SHB: variants seen among roughly 807,000 people sequenced by gnomAD.
SHB encodes SH2 domain containing adaptor protein B.
SHB carries 20 observed loss-of-function variants against 52.3 expected under a neutral mutation model. That is an observed-to-expected ratio of 0.38 (90% CI 0.27 to 0.56). The LOEUF (loss-of-function observed/expected upper bound fraction) is 0.56. Ranked by LOEUF, SHB falls within the 20% of genes least tolerant of loss-of-function variation. The probability of loss-of-function intolerance (pLI) is 0.71; values close to 1 mark genes in which losing one functional copy is unlikely to be tolerated. For missense variants in SHB, 825 were observed against 723.3 expected, an observed-to-expected ratio of 1.14 and a Z score of -1.61; for synonymous variants, 397 against 316.5, an observed-to-expected ratio of 1.25 and a Z score of -2.70.
intron 2 of SHB, among the ~76,000 whole-genome samples, chr9:38,014,978 C>T (rs543712709): frequency 1.8e-4 from 28 of 152,310 alleles, no homozygotes; most frequent in Middle Eastern, 6.8e-3. Context: ...AAAAACCAAA[C>T]AAAAACCAGA....
intron 2 of SHB, among the ~76,000 whole-genome samples, chr9:37,997,982 G>T (rs1468554307): frequency 6.6e-6 from 1 of 152,232 alleles, no homozygotes; most frequent in Non-Finnish European, 1.5e-5. Context: ...CCTGGCTTGT[G>T]GTACCCACTG....
At chr9:37,950,331 T>A (rs1326982043) in intron 4 of SHB, among the ~76,000 whole-genome samples, 10 of 151,972 alleles carry the variant, frequency 6.6e-5, no homozygotes, top group Admixed American at 3.3e-4. Flanking sequence ...AGTGGTGTGA[T>A]CACGGCTCAC....
intron 1 of SHB, among the ~76,000 whole-genome samples, chr9:38,033,593 C>A (rs1821444925): frequency 6.6e-6 from 1 of 152,226 alleles, no homozygotes; most frequent in Admixed American, 6.5e-5. Flanking sequence ...AGAGGGTCCA[C>A]CTGAGTGGTC....
At chr9:37,969,480 T>C (rs996005082) in intron 3 of SHB, among the ~76,000 whole-genome samples, 1 of 152,148 alleles carries the variant, frequency 6.6e-6, no homozygotes, top group African/African-American at 2.4e-5. Context: ...GTGATACCCA[T>C]CAAATCTCAC....
At chr9:37,984,308 C>T (rs1820776680) in intron 2 of SHB, among the ~76,000 whole-genome samples, 1 of 152,192 alleles carries the variant, frequency 6.6e-6, no homozygotes, top group African/African-American at 2.4e-5. Flanking sequence ...CCAATACCAA[C>T]CTTTGAGCCT....
At chr9:38,058,303 T>C (rs1164385267) in intron 1 of SHB, among the ~76,000 whole-genome samples, 2 of 152,224 alleles carry the variant, frequency 1.3e-5, no homozygotes, top group South Asian at 2.1e-4. Context: ...AGGCACCTCC[T>C]GACCCCAGAG....
At chr9:37,923,539 A>C (rs1832208949) in intron 5 of SHB, among the ~76,000 whole-genome samples, 1 of 152,200 alleles carries the variant, frequency 6.6e-6, no homozygotes, top group African/African-American at 2.4e-5. Flanking sequence ...GCCAGGAGAC[A>C]TGCTGTGACA....
chr9:37,981,737 C>A (rs777430067), intron 2 of SHB, among the ~76,000 whole-genome samples: 2 of 152,084 alleles, frequency 1.3e-5, no homozygotes, highest in Non-Finnish European at 2.9e-5. Flanking sequence ...CATGTAGAGG[C>A]CATTGTTGAA....
In SHB at chr9:38,008,620, T is replaced by C. The variant is rs182331743; in HGVS notation, c.838+7391A>G. Among the ~76,000 whole-genome samples, 592 of 152,334 alleles carry C rather than the reference T, an allele frequency of 3.9e-3. 3 individuals carry two copies. The highest frequency in any genetic ancestry group is 0.014 in the African/African-American group (570 of 41,578). ...AGACTTGCCCTGTGGCTTGCTGCTGTGTAAACTTGGCTAGTGCACAACCCT... is the reference window on the plus strand; with the variant it reads ...AGACTTGCCCTGTGGCTTGCTGCTGCGTAAACTTGGCTAGTGCACAACCCT... On this transcript the variant is annotated intron_variant, in intron 2 of 5. Coordinates refer to ENST00000377707, the MANE Select transcript of SHB (RefSeq NM_003028.3).
At chr9:37,931,175 G>C (rs1035462246) in intron 5 of SHB, among the ~76,000 whole-genome samples, 1 of 152,068 alleles carries the variant, frequency 6.6e-6, no homozygotes, top group African/African-American at 2.4e-5. Flanking sequence ...ACAGCCCAGG[G>C]GAAAAGCTCC....
chr9:38,042,956 C>G (rs1821601351), intron 1 of SHB, among the ~76,000 whole-genome samples: 1 of 152,176 alleles, frequency 6.6e-6, no homozygotes, highest in African/African-American at 2.4e-5. Flanking sequence ...GTCTGCCAGA[C>G]CGCCCACAAC....
intron 5 of SHB, among the ~76,000 whole-genome samples, chr9:37,946,762 C>A (rs886168069): frequency 6.6e-6 from 1 of 152,172 alleles, no homozygotes; most frequent in African/African-American, 2.4e-5. Context: ...AGGCCCCCAG[C>A]CACGGGGATT....
intron 1 of SHB, among the ~76,000 whole-genome samples, chr9:38,065,042 G>A (rs982130712): frequency 3.3e-5 from 5 of 152,182 alleles, no homozygotes; most frequent in African/African-American, 1.2e-4. Context: ...TTGAGGCTGG[G>A]AGGTTGAGGC....
At chr9:37,960,476 G>C (rs565466729) in intron 3 of SHB, among the ~76,000 whole-genome samples, 1 of 152,352 alleles carries the variant, frequency 6.6e-6, no homozygotes, top group East Asian at 1.9e-4. Context: ...AAGGAGGAAA[G>C]TAAGACTCAG....
At chr9:38,064,061 C>A (rs1406971305) in intron 1 of SHB, among the ~76,000 whole-genome samples, 1 of 151,790 alleles carries the variant, frequency 6.6e-6, no homozygotes, top group Non-Finnish European at 1.5e-5. Context: ...CAAAAGGAGA[C>A]CTACCAAAGT....
intron 5 of SHB, among the ~76,000 whole-genome samples, chr9:37,926,556 C>T (rs1049231970): frequency 1.3e-5 from 2 of 152,124 alleles, no homozygotes; most frequent in African/African-American, 4.8e-5. Flanking sequence ...GCCACTGAGG[C>T]GAGAAGTGAG....
chr9:38,063,484 C>T (rs1439258795), intron 1 of SHB, among the ~76,000 whole-genome samples: 2 of 152,360 alleles, frequency 1.3e-5, no homozygotes, highest in East Asian at 3.9e-4. Flanking sequence ...GCATGAAAAG[C>T]CCTCTTCCCC....
intron 1 of SHB, among the ~76,000 whole-genome samples, chr9:38,020,344 T>G (rs1037092760): frequency 2.6e-5 from 4 of 152,232 alleles, no homozygotes; most frequent in Non-Finnish European, 4.4e-5. Flanking sequence ...ATAATCTGTA[T>G]TTTAACAAGC....
At chr9:38,057,403 T>C (rs1304698879) in intron 1 of SHB, among the ~76,000 whole-genome samples, 1 of 152,248 alleles carries the variant, frequency 6.6e-6, no homozygotes, top group Non-Finnish European at 1.5e-5. Context: ...GGTTGGTTTC[T>C]GAGTTTTGCT....
Sources: gnomAD v4.1 joint callset for allele counts (sites outside exome capture counted in the v4.1 genomes callset) on GRCh38, gnomAD v4.1.1 for gene constraint, MANE v1.5 for transcripts, NCBI Gene and HGNC (gene_info 2026-07-23, HGNC 2026-07-21) for gene names.